Variants in EXOC6B observed in about 807,000 individuals in gnomAD.
EXOC6B encodes the protein SEC15 homolog B.
A neutral mutation model predicts 113.5 loss-of-function variants in EXOC6B; 54 were observed. That is an observed-to-expected ratio of 0.48 (90% CI 0.38 to 0.60). The LOEUF is 0.60. Ranked by LOEUF, EXOC6B falls within the 20% of genes least tolerant of loss-of-function variation. The probability of loss-of-function intolerance (pLI) is 0.00; values close to 1 mark genes in which losing one functional copy is unlikely to be tolerated. For missense variants in EXOC6B, 797 were observed against 977.5 expected, an observed-to-expected ratio of 0.82 and a Z score of 2.46; for synonymous variants, 357 against 339.0, an observed-to-expected ratio of 1.05 and a Z score of -0.58.
intron 6 of EXOC6B, among the ~76,000 whole-genome samples, chr2:72,697,115 T>TATAGATATAGAG (rs1355349749): frequency 6.7e-6 from 1 of 148,870 alleles, no homozygotes; most frequent in East Asian, 1.9e-4. Context: ...CAGATATAGA[T>TATAGATATAGAG]ATAGATATAG....
chr2:72,348,370 C>A (rs563759334), intron 19 of EXOC6B, among the ~76,000 whole-genome samples: 1 of 152,044 alleles, frequency 6.6e-6, no homozygotes, highest in Non-Finnish European at 1.5e-5. Context: ...TGAGAAAATT[C>A]TCTTGGTATT....
intron 20 of EXOC6B, among the ~76,000 whole-genome samples, chr2:72,332,208 T>C (rs1247454548): frequency 1.3e-5 from 2 of 152,056 alleles, no homozygotes; most frequent in Non-Finnish European, 2.9e-5. Flanking sequence ...ATTTTTATCT[T>C]TGGCTTATTA....
At chr2:72,203,104 C>T (rs557401785) in intron 20 of EXOC6B, among the ~76,000 whole-genome samples, 11 of 152,262 alleles carry the variant, frequency 7.2e-5, no homozygotes, top group African/African-American at 2.6e-4. Flanking sequence ...CAAATACTGG[C>T]GATGATGATG....
chr2:72,278,890 G>T (rs1268805782), intron 20 of EXOC6B, among the ~76,000 whole-genome samples: 1 of 152,138 alleles, frequency 6.6e-6, no homozygotes, highest in Non-Finnish European at 1.5e-5. Context: ...GAGGCAATTT[G>T]TATTTAATAT....
At chr2:72,764,036 A>T (rs1682907076) in intron 1 of EXOC6B, among the ~76,000 whole-genome samples, 1 of 151,984 alleles carries the variant, frequency 6.6e-6, no homozygotes, top group Non-Finnish European at 1.5e-5. Flanking sequence ...CTGTGATTGT[A>T]CCCCTGCACT....
At chr2:72,568,976 A>G (rs941894021) in intron 7 of EXOC6B, among the ~76,000 whole-genome samples, 2 of 152,068 alleles carry the variant, frequency 1.3e-5, no homozygotes, top group African/African-American at 4.8e-5. Flanking sequence ...AAAAAAAAGA[A>G]AAAAACCTTG....
At chr2:72,616,925 C>T (rs1253540380) in intron 6 of EXOC6B, among the ~76,000 whole-genome samples, 1 of 152,166 alleles carries the variant, frequency 6.6e-6, no homozygotes, top group Non-Finnish European at 1.5e-5. Flanking sequence ...CAAGTCCCTC[C>T]TGCCTATGAG....
chr2:72,212,338 T>G (rs1334699494), intron 20 of EXOC6B, among the ~76,000 whole-genome samples: 1 of 152,138 alleles, frequency 6.6e-6, no homozygotes, highest in Non-Finnish European at 1.5e-5. Context: ...CTTGTAGAGA[T>G]TTGCGTTAAT....
chr2:72,514,975 AC>A, intron 9 of EXOC6B, 67 bp downstream of exon 9: 1 of 1,329,772 alleles, frequency 7.5e-7, no homozygotes, highest in Non-Finnish European at 1.1e-6. Context: ...ACACACACAC[AC>A]ACACGCATCA....
chr2:72,733,259 T>C (rs755010423), intron 2 of EXOC6B, 141 bp from the exon 3 acceptor site: 8 of 651,444 alleles, frequency 1.2e-5, no homozygotes, highest in South Asian at 3.7e-5. Context: ...CCAGTGGCAT[T>C]CTCTTGGGTT....
At chr2:72,469,710 T>G (rs937745395) in intron 17 of EXOC6B, among the ~76,000 whole-genome samples, 2 of 152,062 alleles carry the variant, frequency 1.3e-5, no homozygotes, top group Non-Finnish European at 2.9e-5. Context: ...GGTGAATATT[T>G]TGTATAAGTT....
At chr2:72,344,794 A>G (rs1689228635) in intron 19 of EXOC6B, among the ~76,000 whole-genome samples, 1 of 152,050 alleles carries the variant, frequency 6.6e-6, no homozygotes, top group African/African-American at 2.4e-5. Context: ...TGGCTCCCAA[A>G]TGGGGAAAAA....
chr2:72,668,527 C>A (rs1675557484), intron 6 of EXOC6B, among the ~76,000 whole-genome samples: 2 of 151,776 alleles, frequency 1.3e-5, no homozygotes, highest in Admixed American at 6.6e-5. Context: ...AGGTGCCCAA[C>A]AACAGTAGAC....
At chr2:72,397,625 A>AAAAATAAATAAAAT (rs1553396400) in intron 18 of EXOC6B, among the ~76,000 whole-genome samples, 2 of 104,142 alleles carry the variant, frequency 1.9e-5, no homozygotes, top group African/African-American at 1.6e-4. Context: ...CTCAAAAAAA[A>AAAAATAAATAAAAT]AAAATAAAAT....
intron 6 of EXOC6B, among the ~76,000 whole-genome samples, chr2:72,645,646 A>G (rs1673648575): frequency 6.6e-6 from 1 of 152,170 alleles, no homozygotes; most frequent in South Asian, 2.1e-4. Flanking sequence ...CTCACTCAAA[A>G]CCGCACAACT....
Position 72,496,550 on chromosome 2 carries a change from A to C in EXOC6B, c.1347T>G (p.Leu449=). 3 of 1,582,592 alleles carry C rather than the reference A, an allele frequency of 1.9e-6. No individual in the cohort carries two copies. Among genetic ancestry groups the C allele is most frequent in the Non-Finnish European group, 2.6e-6 (3 of 1,159,980 alleles). Residue 449 remains leucine (L), a synonymous_variant, in exon 14 of 22, where the codon CTT becomes CTG. Coordinates refer to ENST00000272427, the MANE Select transcript of EXOC6B (RefSeq NM_015189.3). The stretch of plus-strand genomic sequence containing the variant: ...GTATAGGACTGTAGTTGTCAGAATC[A>C]AGTATGTTTCTATAAATGGAAGGAT... ...KKWAGIFRNI[L]DSDNYSPIPV... is the part of the protein sequence containing the mutation.
chr2:72,418,384 T>G (rs1694664083), intron 18 of EXOC6B, among the ~76,000 whole-genome samples: 1 of 152,180 alleles, frequency 6.6e-6, no homozygotes, highest in East Asian at 1.9e-4. Context: ...TCTGCAGGGT[T>G]GTTCTATCCA....
chr2:72,754,430 C>T (rs1435526168), intron 1 of EXOC6B, among the ~76,000 whole-genome samples: 1 of 151,722 alleles, frequency 6.6e-6, no homozygotes, highest in Non-Finnish European at 1.5e-5. Context: ...TGAGGTCTTG[C>T]TACATTGCCC....
chr2:72,758,918 CA>C (rs1362478975), intron 1 of EXOC6B, among the ~76,000 whole-genome samples: 1 of 152,240 alleles, frequency 6.6e-6, no homozygotes, highest in Non-Finnish European at 1.5e-5. Flanking sequence ...CCAGACTAAA[CA>C]ATCTCAAATT....
Sources: gnomAD v4.1 joint callset for allele counts (sites outside exome capture counted in the v4.1 genomes callset) on GRCh38, gnomAD v4.1.1 for gene constraint, MANE v1.5 for transcripts, NCBI Gene and HGNC (gene_info 2026-07-23, HGNC 2026-07-21) for gene names.